Variants in CREB5 observed in about 807,000 individuals in gnomAD.
CREB5 encodes cAMP responsive element binding protein 5, also known as cyclic AMP-responsive element-binding protein 5.
In CREB5, 19 loss-of-function variants were observed where a neutral mutation model predicts 57.1. The observed-to-expected ratio is 0.33, with a 90% CI of 0.23 to 0.49. The LOEUF is 0.49. Among genes scored for constraint, CREB5 ranks in the 20% least tolerant of loss-of-function variants. CREB5 has a pLI of 0.99. For missense variants in CREB5, 579 were observed against 671.6 expected (o/e 0.86, Z 1.52); for synonymous variants, 238 against 238.3 (o/e 1.00, Z 0.01).
At chr7:28,631,825 T>A (rs1414108175) in intron 5 of CREB5, among the ~76,000 whole-genome samples, 2 of 151,786 alleles carry the variant, frequency 1.3e-5, no homozygotes, top group Admixed American at 1.3e-4. Flanking sequence ...GGAAATTGAG[T>A]GGAGGGAAGC....
chr7:28,776,199 G>T (rs1806622151), intron 7 of CREB5, among the ~76,000 whole-genome samples: 1 of 152,068 alleles, frequency 6.6e-6, no homozygotes, highest in Non-Finnish European at 1.5e-5. Context: ...TTAGCCGGGT[G>T]TGGTGGCGGG....
At chr7:28,681,111 GAATCTGAGGCCCTCC>G (rs1800570386) in intron 5 of CREB5, among the ~76,000 whole-genome samples, 1 of 134,858 alleles carries the variant, frequency 7.4e-6, no homozygotes, top group Non-Finnish European at 1.7e-5. Flanking sequence ...GGAGCAAGAG[GAATCTGAGGCCCTCC>G]AGGGAGAAAA....
At chr7:28,742,064 TAAA>T (rs58431827) in intron 7 of CREB5, among the ~76,000 whole-genome samples, 18 of 111,368 alleles carry the variant, frequency 1.6e-4, no homozygotes, top group Admixed American at 1.9e-4. Flanking sequence ...AGATTCCCTC[TAAA>T]AAAAAAAAAA....
At chr7:28,754,497 C>T (rs915733338) in intron 7 of CREB5, among the ~76,000 whole-genome samples, 2 of 152,192 alleles carry the variant, frequency 1.3e-5, no homozygotes, top group Admixed American at 1.3e-4. Flanking sequence ...CCACAAGATC[C>T]ATGAGGGATC....
chr7:28,600,726 T>A (rs1265755102), intron 5 of CREB5, among the ~76,000 whole-genome samples: 1 of 152,210 alleles, frequency 6.6e-6, no homozygotes, highest in African/African-American at 2.4e-5. Flanking sequence ...CTATCCACAT[T>A]GTGTCAAAGC....
chr7:28,413,925 T>A (rs544579843), intron 1 of CREB5, among the ~76,000 whole-genome samples: 28 of 152,258 alleles, frequency 1.8e-4, no homozygotes, highest in Admixed American at 3.9e-4. Context: ...AGACTCCCAA[T>A]TTCTTACTAT....
intron 7 of CREB5, among the ~76,000 whole-genome samples, chr7:28,726,361 GA>G (rs575735820): frequency 1.4e-4 from 21 of 152,208 alleles, no homozygotes; most frequent in Middle Eastern, 3.4e-3. Context: ...AATAGTACTG[GA>G]AAAATGTTAA....
intron 1 of CREB5, among the ~76,000 whole-genome samples, chr7:28,458,039 G>C (rs946934279): frequency 1.3e-5 from 2 of 152,142 alleles, no homozygotes; most frequent in Non-Finnish European, 2.9e-5. Flanking sequence ...TCCCCCATAA[G>C]AGGAAGCTGT....
chr7:28,506,226 A>C (rs1189124715), intron 3 of CREB5, among the ~76,000 whole-genome samples: 1 of 152,260 alleles, frequency 6.6e-6, no homozygotes, highest in Non-Finnish European at 1.5e-5. Context: ...TATTCTTTGA[A>C]TCAGACAATT....
chr7:28,543,983 T>C (rs1161528465), intron 4 of CREB5, among the ~76,000 whole-genome samples: 1 of 150,554 alleles, frequency 6.6e-6, no homozygotes, highest in African/African-American at 2.5e-5. Context: ...ATGAGATGAT[T>C]ATTTTTGCCT....
At chr7:28,371,264 A>G (rs1227124459) in intron 1 of CREB5, among the ~76,000 whole-genome samples, 1 of 152,116 alleles carries the variant, frequency 6.6e-6, no homozygotes, top group Non-Finnish European at 1.5e-5. Context: ...AGGTCAAGAG[A>G]TGGAGACCAT....
chr7:28,558,475 T>C (rs560690212), intron 4 of CREB5, among the ~76,000 whole-genome samples: 27 of 152,360 alleles, frequency 1.8e-4, no homozygotes, highest in African/African-American at 5.8e-4. Flanking sequence ...TTCTCTATTG[T>C]TTTGGAAGAG....
At chr7:28,697,607 T>C (rs1157646117) in intron 5 of CREB5, among the ~76,000 whole-genome samples, 1 of 152,152 alleles carries the variant, frequency 6.6e-6, no homozygotes, top group Non-Finnish European at 1.5e-5. Context: ...ATTTATTTCT[T>C]AGGTAATAGA....
intron 1 of CREB5, among the ~76,000 whole-genome samples, chr7:28,404,816 G>A (rs1787543571): frequency 6.6e-6 from 1 of 152,162 alleles, no homozygotes; most frequent in Non-Finnish European, 1.5e-5. Context: ...CAACTTTCCT[G>A]ATTCTTGCAT....
intron 1 of CREB5, among the ~76,000 whole-genome samples, chr7:28,321,498 C>T (rs17156579): frequency 0.068 from 10,281 of 152,270 alleles, 480 homozygotes; most frequent in Admixed American, 0.11. Context: ...CTCTCAGGCA[C>T]GTATATTCTC....
At chr7:28,816,646 A>C (rs1302992284) in intron 9 of CREB5, among the ~76,000 whole-genome samples, 1 of 152,226 alleles carries the variant, frequency 6.6e-6, no homozygotes, top group Non-Finnish European at 1.5e-5. Context: ...GAAATTTAGA[A>C]ATGGGAGATA....
At chr7:28,316,342 A>G (rs951333192) in intron 1 of CREB5, among the ~76,000 whole-genome samples, 2 of 152,118 alleles carry the variant, frequency 1.3e-5, no homozygotes, top group East Asian at 1.9e-4. Flanking sequence ...ATGCCTGACA[A>G]TGCCTGGGAA....
intron 1 of CREB5, among the ~76,000 whole-genome samples, chr7:28,472,792 T>G (rs750729894): frequency 1.3e-5 from 2 of 152,192 alleles, no homozygotes; most frequent in Non-Finnish European, 2.9e-5. Flanking sequence ...CTGGAATTCC[T>G]CAGTGCTTCT....
At chr7:28,754,669 G>A (rs573467189) in intron 7 of CREB5, among the ~76,000 whole-genome samples, 5 of 152,288 alleles carry the variant, frequency 3.3e-5, no homozygotes, top group South Asian at 2.1e-4. Context: ...ATGCTGGCAC[G>A]TAGCTCCCAG....
Sources: gnomAD v4.1 joint callset for allele counts (sites outside exome capture counted in the v4.1 genomes callset) on GRCh38, gnomAD v4.1.1 for gene constraint, MANE v1.5 for transcripts, NCBI Gene and HGNC (gene_info 2026-07-23, HGNC 2026-07-21) for gene names.